Variants in SLC16A3 observed in about 807,000 individuals in gnomAD.
SLC16A3 encodes the protein solute carrier family 16 member 3.
A neutral mutation model predicts 25.0 loss-of-function variants in SLC16A3; 22 were observed. The ratio of observed to expected loss-of-function variants is 0.88; its 90% confidence interval spans 0.63 to 1.26. The LOEUF is 1.26. SLC16A3 is among the 50% of genes most tolerant of loss of function. The probability of loss-of-function intolerance (pLI) is 0.00; values close to 1 mark genes in which losing one functional copy is unlikely to be tolerated. For missense variants in SLC16A3, 731 were observed against 666.6 expected, an observed-to-expected ratio of 1.10 and a Z score of -1.06; for synonymous variants, 390 against 309.2, an observed-to-expected ratio of 1.26 and a Z score of -2.74.
upstream of SLC16A3, among the ~76,000 whole-genome samples, chr17:82,223,426 T>G (rs1466114292): frequency 6.6e-6 from 1 of 152,144 alleles, no homozygotes; most frequent in African/African-American, 2.4e-5. Context: ...TGACCTCAGG[T>G]GATCTGCCCA....
chr17:82,223,824 G>A (rs1004615526), upstream of SLC16A3, among the ~76,000 whole-genome samples: 1 of 152,018 alleles, frequency 6.6e-6, no homozygotes, highest in Admixed American at 6.5e-5. Context: ...ATGAGCATTA[G>A]TTCTGAATGT....
Position 82,238,747 on chromosome 17 carries a change from T to C in SLC16A3, c.1169T>C (p.Leu390Pro), listed in dbSNP as rs1281970641. 1.9e-6 allele frequency: 3 copies of C among 1,612,428 alleles called. No individual in the cohort carries two copies. Among genetic ancestry groups the C allele is most frequent in the East Asian group, 4.5e-5 (2 of 44,876 alleles). ...ATHVYMYVFI[L>P]AGAEVLTSSL... ...CACGTCTACATGTACGTGTTCATCCTGGCGGGGGCCGAGGTGCTCACCTCC... is the reference window on the plus strand; with the variant it reads ...CACGTCTACATGTACGTGTTCATCCCGGCGGGGGCCGAGGTGCTCACCTCC... The change falls in exon 5 of 5, where the codon CTG (leucine) becomes CCG (proline). Residue 390 changes from leucine to proline, a missense_variant. Physicochemically the swap from Leu to Pro is moderately conservative, Grantham distance 98. Coordinates refer to ENST00000582743, the MANE Select transcript of SLC16A3 (RefSeq NM_004207.4).
chr17:82,236,715 G>C lies in SLC16A3; in HGVS notation c.224-14G>C, dbSNP rs905666252. The C allele has an allele frequency of 3.1e-6, 5 of 1,601,738 alleles. No individual in the cohort carries two copies. The highest frequency in any genetic ancestry group is 4.2e-6 in the Non-Finnish European group (5 of 1,178,154). ...GCTGCAGGCCCGGCCCCTCTCAGCT[G>C]CTGCCCTCTCCAGGTCCGCTCTGCA... is the stretch of plus-strand genomic sequence containing the variant. On this transcript the variant is annotated splice_polypyrimidine_tract_variant and intron_variant, in intron 2 of 4. Coordinates refer to ENST00000582743, the MANE Select transcript of SLC16A3 (RefSeq NM_004207.4).
At chr17:82,225,570 GGCA>G (rs1348725932), upstream of SLC16A3, among the ~76,000 whole-genome samples, 2 of 152,234 alleles carry the variant, frequency 1.3e-5, no homozygotes, top group Non-Finnish European at 2.9e-5. Context: ...TCAGGAGCTG[GGCA>G]GCCCAGGACC....
In SLC16A3 at chr17:82,237,880, G is replaced by A. The variant is rs2050651349; in HGVS notation, c.1110G>A (p.Gly370=). 1.3e-6 allele frequency: 2 copies of A among 1,599,208 alleles called. No individual in the cohort carries two copies. The highest frequency in any genetic ancestry group is 1.1e-5 in the South Asian group (1 of 91,012). The change falls in exon 4 of 5, where the codon GGG becomes GGA. Residue 370 remains glycine, a synonymous_variant. Transcript: ENST00000582743. ...LLMEAVAVLV[G]PPSGGKLLDA... is the part of the protein sequence containing the mutation. The stretch of plus-strand genomic sequence containing the variant: ...TGGAGGCGGTGGCCGTGCTCGTCGG[G>A]CCCCCTTCGGGAGGTGAGCGCTGCG...
intron 4 of SLC16A3, 110 bp downstream of exon 4, chr17:82,238,003 C>G (rs962643754): frequency 1.5e-6 from 2 of 1,309,484 alleles, no homozygotes; most frequent in African/African-American, 1.5e-5. Flanking sequence ...GTGTGGGACT[C>G]AGAGCTGGAG....
In SLC16A3 at chr17:82,239,977, CAGTA is replaced by C. The variant is rs764606597; in HGVS notation, c.*1002_*1005del. ...CCCGGTCAGAGGCCGCCGGGGCCCT[CAGTA>C]GGTGCGTCGTGGGCGCTGGGGACGG... On this transcript the variant is annotated 3_prime_UTR_variant, in exon 5 of 5. Coordinates refer to ENST00000582743, the MANE Select transcript of SLC16A3 (RefSeq NM_004207.4). The C allele has an allele frequency of 7.2e-5, 89 of 1,233,434 alleles. No homozygotes were observed. The highest frequency in any genetic ancestry group is 8.9e-5 in the Non-Finnish European group (88 of 987,700). 76.4% of individuals were successfully genotyped at this position (1,233,434 alleles called of 1,614,324 possible).
Position 82,238,758 on chromosome 17 carries a change from G to T in SLC16A3, c.1180G>T (p.Glu394Ter). The change falls in exon 5 of 5, where the codon GAG becomes TAG. Residue 394 changes from glutamate (E) to a stop codon, truncating the protein, a stop_gained. Coordinates refer to ENST00000582743, the MANE Select transcript of SLC16A3 (RefSeq NM_004207.4). LOFTEE classifies it low-confidence loss of function (END_TRUNC). ...GTACGTGTTCATCCTGGCGGGGGCC[G>T]AGGTGCTCACCTCCTCCCTGATTTT... is the stretch of plus-strand genomic sequence containing the variant. ...YMYVFILAGA[E>*]VLTSSLILLL... 1 of 1,612,652 alleles carries T rather than the reference G, an allele frequency of 6.2e-7. No individual in the cohort carries two copies. Among genetic ancestry groups the T allele is most frequent in the Non-Finnish European group, 8.5e-7 (1 of 1,179,928 alleles).
intron 1 of SLC16A3, chr17:82,229,927 G>C (rs1483843803): frequency 6.6e-6 from 1 of 152,500 alleles, no homozygotes; most frequent in Non-Finnish European, 1.5e-5. Context: ...GGGAGCCGAG[G>C]GGCGGCTGTC....
upstream of SLC16A3, among the ~76,000 whole-genome samples, chr17:82,223,530 A>T (rs1568529812): frequency 6.6e-6 from 1 of 150,726 alleles, no homozygotes; most frequent in Non-Finnish European, 1.5e-5. Context: ...TTTGAGACAG[A>T]GTCTTGGTCT....
At chr17:82,232,918 C>CG (rs150048859) in intron 1 of SLC16A3, among the ~76,000 whole-genome samples, 4,933 of 47,148 alleles carry the variant, frequency 0.1, 377 homozygotes, top group African/African-American at 0.14. Flanking sequence ...TGGGGGGCGG[C>CG]GGGGGGGGGG....
Position 82,237,852 on chromosome 17 carries a change from T to G in SLC16A3, c.1082T>G (p.Leu361Arg). ...KFSSAIGLVL[L>R]MEAVAVLVGP... ...TCCAGTGCCATTGGCCTGGTGCTGC[T>G]GATGGAGGCGGTGGCCGTGCTCGTC... is the stretch of plus-strand genomic sequence containing the variant. The change falls in exon 4 of 5, where the codon CTG becomes CGG. Residue 361 changes from leucine to arginine, a missense_variant. Physicochemically the swap from Leu to Arg is moderately radical, Grantham distance 102. Coordinates refer to ENST00000582743, the MANE Select transcript of SLC16A3 (RefSeq NM_004207.4). 1 of 1,604,816 alleles carries G rather than the reference T, an allele frequency of 6.2e-7. No individual in the cohort carries two copies. The highest frequency in any genetic ancestry group is 8.5e-7 in the Non-Finnish European group (1 of 1,179,860).
chr17:82,224,944 T>C (rs2147108744), upstream of SLC16A3, among the ~76,000 whole-genome samples: 1 of 152,312 alleles, frequency 6.6e-6, no homozygotes, highest in African/African-American at 2.4e-5. Flanking sequence ...TCCTGCCCTT[T>C]TCACCTCTGC....
rs2050451754 is a variant in SLC16A3, at chr17:82,229,065, AGAGGCGG to A, written c.-67_-61del. The A allele has an allele frequency of 6.7e-5, 1 of 14,822 alleles. No individual in the cohort carries two copies. Among genetic ancestry groups the A allele is most frequent in the Non-Finnish European group, 1.1e-4 (1 of 9,230 alleles). The allele number at this position is 14,822 out of a possible 1,614,324, so 0.9% of individuals were successfully genotyped here. ...CCGGCAGAGGCGGGCAGAGGCGGCG[AGAGGCGG>A]CGAGAGGCGGGCTGAGGCGGCCCAG... On this transcript the variant is annotated 5_prime_UTR_variant, in exon 1 of 5. Transcript: ENST00000582743.
chr17:82,227,512 G>T (rs1459226352), upstream of SLC16A3, among the ~76,000 whole-genome samples: 1 of 152,074 alleles, frequency 6.6e-6, no homozygotes, highest in Non-Finnish European at 1.5e-5. Flanking sequence ...ACGGTGCCTC[G>T]CACCCCTCTG....
chr17:82,218,380 TGGGGGG>T (rs1244334227), intron 1 of SLC16A3, among the ~76,000 whole-genome samples: 10 of 53,866 alleles, frequency 1.9e-4, no homozygotes, highest in African/African-American at 8.7e-4. Flanking sequence ...CCTCGGTCAC[TGGGGGG>T]GTGGACGGCC....
At chr17:82,221,616 C>T (rs2050389507) in intron 1 of SLC16A3, among the ~76,000 whole-genome samples, 1 of 151,684 alleles carries the variant, frequency 6.6e-6, no homozygotes, top group Non-Finnish European at 1.5e-5. Context: ...AAAAGACAAC[C>T]CAATACCAAA....
upstream of SLC16A3, among the ~76,000 whole-genome samples, chr17:82,226,461 G>A (rs73999811): frequency 0.027 from 4,102 of 152,200 alleles, 161 homozygotes; most frequent in African/African-American, 0.093. Flanking sequence ...ACCCCTTCCC[G>A]CAGCTCCAGA....
At position 82,237,256 on chromosome 17, in the gene SLC16A3, CCT is replaced by C. The variant is rs895080866; in HGVS notation, c.487_488del (p.Leu163GlufsTer111). 1.3e-6 allele frequency: 2 copies of C among 1,563,906 alleles called. No homozygotes were observed. Among genetic ancestry groups the C allele is most frequent in the African/African-American group, 1.4e-5 (1 of 73,716 alleles). On this transcript the variant is annotated frameshift_variant, in exon 4 of 5. Transcript: ENST00000582743. LOFTEE classifies it high-confidence loss of function. ...AAGSPVFLCA[L>X]SPLGQLLQDR... ...CAGGTAGCCCTGTCTTCCTGTGTGCCCTGAGCCCGCTGGGGCAGCTGCTGCAG... is the reference window on the plus strand; with the variant it reads ...CAGGTAGCCCTGTCTTCCTGTGTGCCGAGCCCGCTGGGGCAGCTGCTGCAG...
Sources: allele counts gnomAD v4.1 joint callset (sites outside exome capture counted in the v4.1 genomes callset), GRCh38; gene constraint gnomAD v4.1.1; transcripts MANE v1.5; gene names NCBI Gene and HGNC (gene_info 2026-07-23, HGNC 2026-07-21).